The following RPA2 variants were observed in gnomAD, a reference collection of about 807,000 sequenced individuals.
The protein encoded by RPA2 is replication protein A 32 kDa subunit.
RPA2 carries 22 observed loss-of-function variants against 33.4 expected under a neutral mutation model. The ratio of observed to expected loss-of-function variants is 0.66; its 90% CI spans 0.47 to 0.94. The LOEUF (loss-of-function observed/expected upper bound fraction) is 0.94, where lower values mean the gene tolerates loss of function less well. Among genes scored for constraint, RPA2 ranks in the 40% least tolerant of loss-of-function variants. RPA2 has a pLI of 0.00. For synonymous variants in RPA2, 109 were observed against 114.9 expected, an observed-to-expected ratio of 0.95 and a Z score of 0.33; for missense variants, 279 against 329.9, an observed-to-expected ratio of 0.85 and a Z score of 1.19.
chr1:27,912,080 T>C (rs1024467570), intron 2 of RPA2, among the ~76,000 whole-genome samples: 7 of 144,630 alleles, frequency 4.8e-5, no homozygotes, highest in Admixed American at 4.1e-4. Flanking sequence ...GGCGACAGAG[T>C]GAGACTCTGT....
At chr1:27,914,675 G>A (rs1256237166), upstream of RPA2, 1 of 1,612,984 alleles carries the variant, frequency 6.2e-7, no homozygotes, top group Non-Finnish European at 8.5e-7. Flanking sequence ...CAGAAAACGC[G>A]TACTGCGCTC....
intron 5 of RPA2, 88 bp downstream of exon 5, chr1:27,897,545 A>G: frequency 4.8e-6 from 4 of 840,064 alleles, no homozygotes; most frequent in Non-Finnish European, 7.3e-6. Context: ...GGGAGACTTA[A>G]GTATTTTAAC....
chr1:27,897,183 AC>A (rs1356272577), intron 5 of RPA2, 62 bp from the exon 6 acceptor site: 1 of 1,101,158 alleles, frequency 9.1e-7, no homozygotes, highest in South Asian at 1.4e-5. Context: ...TCAGGTCAAC[AC>A]TGTGGCTCTT....
rs181482509 is a variant in RPA2, at chr1:27,892,795, C to G, written c.729-548G>C. Among the ~76,000 whole-genome samples, 41 of 152,272 alleles carry G rather than the reference C, an allele frequency of 2.7e-4. 1 individual carries two copies. In the East Asian group the frequency reaches 6.8e-3, roughly 25 times the overall value. ...ACAGCAGTTCTCTACCTCATCAGCA[C>G]GCAACTCTGAGATAGGAATTATTAT... On this transcript the variant is annotated intron_variant, in intron 8 of 8. Transcript: ENST00000373912.
intron 1 of RPA2, 89 bp downstream of exon 1, chr1:27,914,345 T>C (rs866266866): frequency 1.9e-6 from 3 of 1,613,780 alleles, no homozygotes; most frequent in Middle Eastern, 1.6e-4. Flanking sequence ...CCTCTCCCGC[T>C]ACCACACGCC....
chr1:27,900,624 T>A (rs1316324041), intron 4 of RPA2, among the ~76,000 whole-genome samples: 1 of 152,032 alleles, frequency 6.6e-6, no homozygotes, highest in African/African-American at 2.4e-5. Flanking sequence ...AAGATATAAC[T>A]GAATTGCTGT....
At chr1:27,899,527 A>C (rs1237652470) in intron 4 of RPA2, among the ~76,000 whole-genome samples, 1 of 151,102 alleles carries the variant, frequency 6.6e-6, no homozygotes, top group African/African-American at 2.4e-5. Context: ...AAAAAAAAAA[A>C]AAAACCACAC....
intron 2 of RPA2, among the ~76,000 whole-genome samples, chr1:27,912,547 A>G (rs1431394204): frequency 6.6e-6 from 1 of 151,832 alleles, no homozygotes; most frequent in Non-Finnish European, 1.5e-5. Flanking sequence ...CCCTGTCTCA[A>G]AAAAAAAGGC....
intron 4 of RPA2, among the ~76,000 whole-genome samples, chr1:27,899,870 C>A (rs11247711): frequency 0.33 from 50,360 of 151,764 alleles, 8,859 homozygotes; most frequent in East Asian, 0.52. Context: ...TTAGTAGAGA[C>A]AAGGTTTCAC....
At chr1:27,913,638 C>T (rs2090129383) in intron 2 of RPA2, among the ~76,000 whole-genome samples, 1 of 151,720 alleles carries the variant, frequency 6.6e-6, no homozygotes, top group South Asian at 2.1e-4. Context: ...AAGTTCAGGC[C>T]AGGAGCAGTG....
At chr1:27,904,333 T>C (rs2090002466) in intron 4 of RPA2, among the ~76,000 whole-genome samples, 1 of 152,166 alleles carries the variant, frequency 6.6e-6, no homozygotes, top group Non-Finnish European at 1.5e-5. Context: ...CCAAAATGTG[T>C]CGTAATAGTA....
rs756224339 is a variant in RPA2, at chr1:27,897,670, G to A, written c.371C>T (p.Thr124Ile). Residue 124 changes from threonine (T) to isoleucine (I), a missense_variant, in exon 5 of 9, where the codon ACA becomes ATA. Thr to Ile is a moderately conservative substitution (Grantham distance 89, BLOSUM62 -1). Transcript: ENST00000373912. ...CAGGTGGCCTGCCACTTTCACATATGTTTCTGGAGGAACCACAGTGTTTTC... is the reference window on the plus strand; with the variant it reads ...CAGGTGGCCTGCCACTTTCACATATATTTCTGGAGGAACCACAGTGTTTTC... Reference protein sequence around the residue: ...SSENTVVPPETYVKVAGHLRS... With the variant: ...SSENTVVPPEIYVKVAGHLRS... The A allele has an allele frequency of 5.6e-6, 9 of 1,602,824 alleles. No homozygotes were observed. Among genetic ancestry groups the A allele is most frequent in the African/African-American group, 1.3e-5 (1 of 74,478 alleles).
intron 4 of RPA2, among the ~76,000 whole-genome samples, chr1:27,900,850 A>C: frequency 6.6e-6 from 1 of 152,140 alleles, no homozygotes; most frequent in South Asian, 2.1e-4. Flanking sequence ...TTTTTAGTAG[A>C]GACGAGGTTT....
intron 2 of RPA2, among the ~76,000 whole-genome samples, chr1:27,910,606 CCAT>C (rs1410993474): frequency 6.6e-6 from 1 of 152,122 alleles, no homozygotes; most frequent in African/African-American, 2.4e-5. Flanking sequence ...CAGGAAAGTA[CCAT>C]TATTACAGAT....
Position 27,914,492 on chromosome 1 carries a change from G to C in RPA2, c.-49C>G. The C allele has an allele frequency of 1.3e-6, 2 of 1,593,300 alleles. No homozygotes were observed. The highest frequency in any genetic ancestry group is 3.5e-5 in the Admixed American group (2 of 57,158). On this transcript the variant is annotated 5_prime_UTR_variant, in exon 1 of 9. Transcript: ENST00000373912. The stretch of plus-strand genomic sequence containing the variant: ...AGGCCGAGAAGGTGCGGGTCTGGGG[G>C]AATAGCGGAAAACCACAGAACGCGG...
At chr1:27,897,787 G>C in intron 4 of RPA2, 80 bp from the exon 5 acceptor site, 1 of 1,008,282 alleles carries the variant, frequency 9.9e-7, no homozygotes, top group South Asian at 2.2e-5. Flanking sequence ...ATTATGTATA[G>C]AAAGAGAAAG....
At chr1:27,892,390 G>C (rs1057027540) in intron 8 of RPA2, 143 bp from the exon 9 acceptor site, 2 of 649,380 alleles carry the variant, frequency 3.1e-6, no homozygotes, top group African/African-American at 3.6e-5. Flanking sequence ...TCTGCACATA[G>C]AAAGCTCTCA....
In RPA2 at chr1:27,914,497, G is replaced by A; in HGVS notation, c.-54C>T. On this transcript the variant is annotated 5_prime_UTR_variant, in exon 1 of 9. Coordinates refer to ENST00000373912, the MANE Select transcript of RPA2 (RefSeq NM_002946.5). ...GAGAAGGTGCGGGTCTGGGGGAATA[G>A]CGGAAAACCACAGAACGCGGCCGCC... The A allele has an allele frequency of 1.9e-6, 3 of 1,594,062 alleles. No individual in the cohort carries two copies. Among genetic ancestry groups the A allele is most frequent in the Non-Finnish European group, 1.7e-6 (2 of 1,170,474 alleles).
At chr1:27,914,239 G>A (rs1285500645) in intron 1 of RPA2, 70 bp from the exon 2 acceptor site, 2 of 1,602,648 alleles carry the variant, frequency 1.2e-6, no homozygotes, top group Non-Finnish European at 8.5e-7. Flanking sequence ...GGCTCCCGGA[G>A]GCTTCGCCCC....
Sources: gnomAD v4.1 joint callset for allele counts (sites outside exome capture counted in the v4.1 genomes callset) on GRCh38, gnomAD v4.1.1 for gene constraint, MANE v1.5 for transcripts, NCBI Gene and HGNC (gene_info 2026-07-23, HGNC 2026-07-21) for gene names.